Variants in ACTRT1 observed in about 807,000 individuals in gnomAD.
ACTRT1 encodes the protein actin-related protein T1.
A neutral mutation model predicts 1.4 loss-of-function variants in ACTRT1; 1 was observed. The ratio of observed to expected loss-of-function variants is 0.69; its 90% CI spans 0.25 to 3.28. The LOEUF (loss-of-function observed/expected upper bound fraction) is 3.28. ACTRT1 is among the 30% of genes most tolerant of loss of function. ACTRT1 has a pLI of 0.20. For synonymous variants in ACTRT1, 121 were observed against 115.2 expected, an observed-to-expected ratio of 1.05 and a Z score of -0.32; for missense variants, 334 against 291.5, an observed-to-expected ratio of 1.15 and a Z score of -1.06.
chrX:128,052,174 A>G lies in ACTRT1; in HGVS notation c.33T>C (p.Ala11=). The change falls in exon 1 of 1, where the codon GCT becomes GCC. Residue 11 remains alanine (A), a synonymous_variant. Coordinates refer to ENST00000371124, the MANE Select transcript of ACTRT1 (RefSeq NM_138289.4). MFNPHALDVP[A]VIFDNGSGLC... Reference sequence around the variant, plus strand: ...GTCCTGAACCATTGTCAAAAATTACAGCAGGAACATCTAATGCATGTGGAT... The same window carrying G: ...GTCCTGAACCATTGTCAAAAATTACGGCAGGAACATCTAATGCATGTGGAT... 8.3e-7 allele frequency: 1 copy of G among 1,206,640 alleles called. No homozygotes were observed. Among genetic ancestry groups the G allele is most frequent in the Non-Finnish European group, 1.1e-6 (1 of 892,963 alleles).
chrX:128,052,236 C>A lies in ACTRT1; in HGVS notation c.-30G>T. 1 of 1,143,468 alleles carries A rather than the reference C, an allele frequency of 8.7e-7. No homozygotes were observed. Among genetic ancestry groups the A allele is most frequent in the Non-Finnish European group, 1.2e-6 (1 of 861,411 alleles). The allele number at this position is 1,143,468 out of a possible 1,213,427, so 94.2% of individuals were successfully genotyped here. A position where few individuals can be genotyped will look rare whatever the true frequency, so the allele number is the denominator to read the frequency against. On this transcript the variant is annotated 5_prime_UTR_variant, in exon 1 of 1. Coordinates refer to ENST00000371124, the MANE Select transcript of ACTRT1 (RefSeq NM_138289.4). ...GTAATATGTTCTCCTGGACTTCCCC[C>A]AAATAAAGAAAGAACACTTACGTCA...
rs754366510 is a variant in ACTRT1, at chrX:128,052,162, GT to G, written c.44del (p.Asp15AlafsTer34). 4 of 1,207,080 alleles carry G rather than the reference GT, an allele frequency of 3.3e-6. No homozygotes were observed. Among genetic ancestry groups the G allele is most frequent in the Non-Finnish European group, 4.5e-6 (4 of 893,287 alleles). On this transcript the variant is annotated frameshift_variant, in exon 1 of 1. Transcript: ENST00000371124. LOFTEE classifies it low-confidence loss of function (END_TRUNC). ...HALDVPAVIF[D>X]NGSGLCKAGL... ...CTGCTTTGCAGAGTCCTGAACCATTGTCAAAAATTACAGCAGGAACATCTAA... is the reference window on the plus strand; with the variant it reads ...CTGCTTTGCAGAGTCCTGAACCATTGCAAAAATTACAGCAGGAACATCTAA...
In ACTRT1 at chrX:128,051,934, A is replaced by T; in HGVS notation, c.273T>A (p.His91Gln). Residue 91 changes from histidine (H) to glutamine (Q), a missense_variant, in exon 1 of 1, where the codon CAT (histidine) becomes CAA (glutamine). Coordinates refer to ENST00000371124, the MANE Select transcript of ACTRT1 (RefSeq NM_138289.4). ...GWDDMEKLWK[H>Q]LFERELGVKP... Reference sequence around the variant, plus strand: ...TTACTCCAAGCTCCCGCTCAAAGAGATGTTTCCAGAGTTTCTCCATGTCAT... The same window carrying T: ...TTACTCCAAGCTCCCGCTCAAAGAGTTGTTTCCAGAGTTTCTCCATGTCAT... The T allele has an allele frequency of 8.3e-7, 1 of 1,211,655 alleles. No homozygotes were observed. Among genetic ancestry groups the T allele is most frequent in the Non-Finnish European group, 1.1e-6 (1 of 895,539 alleles).
At position 128,052,033 on chromosome X, in the gene ACTRT1, C is replaced by T. The variant is rs749695026; in HGVS notation, c.174G>A (p.Gly58=). 9.9e-6 allele frequency: 12 copies of T among 1,209,686 alleles called. No individual in the cohort carries two copies. In the African/African-American group the frequency reaches 1.6e-4, roughly 16 times the overall value. The part of the protein sequence containing the change: ...LARLNQKYFV[G]QEALYKYEAL... ...CCTCATACTTGTACAGGGCTTCTTG[C>T]CCCACGAAGTACTTCTGATTAAGTC... The change falls in exon 1 of 1, where the codon GGG becomes GGA. Residue 58 remains glycine (G), a synonymous_variant. Coordinates refer to ENST00000371124, the MANE Select transcript of ACTRT1 (RefSeq NM_138289.4).
rs147373645 is a variant in ACTRT1, at chrX:128,052,100, C to G, written c.107G>C (p.Ser36Thr). Reference protein sequence around the residue: ...SGEIGPRHVISSVLGHCKFNV... With the variant: ...SGEIGPRHVITSVLGHCKFNV... ...GAATTTACAATGTCCCAAGACGGAG[C>G]TGATGACATGGCGGGGTCCAATCTC... Residue 36 changes from serine to threonine, a missense_variant, in exon 1 of 1, where the codon AGC becomes ACC. Ser to Thr is a moderately conservative substitution (Grantham distance 58). Coordinates refer to ENST00000371124, the MANE Select transcript of ACTRT1 (RefSeq NM_138289.4). The G allele has an allele frequency of 3.9e-4, 469 of 1,210,176 alleles. 1 individual carries two copies. The African/African-American group carries it at 7.0e-3, about 18-fold the overall frequency.
At position 128,050,978 on chromosome X, in the gene ACTRT1, T is replaced by G. The variant is rs1361172670; in HGVS notation, c.*98A>C. ...AACTGAAACTTGAAATGGCAAAACT[T>G]TTATTGAACATCATGCTGAAGCCCA... is the stretch of plus-strand genomic sequence containing the variant. On this transcript the variant is annotated 3_prime_UTR_variant, in exon 1 of 1. Transcript: ENST00000371124. 9.8e-7 allele frequency: 1 copy of G among 1,019,262 alleles called. No individual in the cohort carries two copies. Among genetic ancestry groups the G allele is most frequent in the Non-Finnish European group, 1.3e-6 (1 of 753,877 alleles). 84.0% of individuals were successfully genotyped at this position (1,019,262 alleles called of 1,213,427 possible). A position where few individuals can be genotyped will look rare whatever the true frequency, so the allele number is the denominator to read the frequency against.
rs144043142 is a variant in ACTRT1 at position 128,051,396 on chromosome X, G to A, written c.811C>T (p.His271Tyr). 9.4e-5 allele frequency: 114 copies of A among 1,207,899 alleles called. 1 individual carries two copies. The African/African-American group carries it at 1.8e-3, about 19-fold the overall frequency. The change falls in exon 1 of 1, where the codon CAC becomes TAC. Residue 271 changes from histidine (H) to tyrosine (Y), a missense_variant. Coordinates refer to ENST00000371124, the MANE Select transcript of ACTRT1 (RefSeq NM_138289.4). ...VLFAPDQLGI[H>Y]SPGLSKMVSS... is the part of the protein sequence containing the mutation. ...ACCATTTTTGAGAGTCCTGGGCTGT[G>A]GATGCCCAGCTGGTCAGGTGCAAAA...
In ACTRT1 at chrX:128,051,222, T is replaced by A. The variant is rs766490344; in HGVS notation, c.985A>T (p.Lys329Ter). Residue 329 changes from lysine to a stop codon, truncating the protein, a stop_gained, in exon 1 of 1, where the codon AAG becomes TAG. Coordinates refer to ENST00000371124, the MANE Select transcript of ACTRT1 (RefSeq NM_138289.4). LOFTEE classifies it low-confidence loss of function (END_TRUNC). ...CATCTATCAGGAGAAGCTGTGATCT[T>A]GATGGGAGTACCTTTGGAAGCCAGC... is the stretch of plus-strand genomic sequence containing the variant. Reference protein sequence around the residue: ...EQLASKGTPIKITASPDRCFS... With the variant: ...EQLASKGTPI 1 of 1,210,785 alleles carries A rather than the reference T, an allele frequency of 8.3e-7. No homozygotes were observed. The highest frequency in any genetic ancestry group is 1.8e-5 in the South Asian group (1 of 56,877).
rs756837724 is a variant in ACTRT1 at position 128,051,995 on chromosome X, T to C, written c.212A>G (p.His71Arg). The change falls in exon 1 of 1, where the codon CAC (histidine) becomes CGC (arginine). Residue 71 changes from histidine to arginine, a missense_variant. Transcript: ENST00000371124. The stretch of plus-strand genomic sequence containing the variant: ...TACCAGTCCACGCTCAATGGGGTAG[T>C]GCAAATGTAGGGCCTCATACTTGTA... ...ALYKYEALHL[H>R]YPIERGLVTG... 8.9e-5 allele frequency: 108 copies of C among 1,209,908 alleles called. No individual in the cohort carries two copies. In the South Asian group the frequency reaches 1.8e-3, roughly 20 times the overall value.
chrX:128,051,428 T>G lies in ACTRT1; in HGVS notation c.779A>C (p.Glu260Ala). ...HFGDELYQVP[E>A]VLFAPDQLGI... ...CAGCTGGTCAGGTGCAAAAAGAACC[T>G]CGGGCACTTGGTACAGCTCATCCCC... Residue 260 changes from glutamate to alanine, a missense_variant, in exon 1 of 1, where the codon GAG becomes GCG. Glu to Ala is a moderately radical substitution (Grantham distance 107). Transcript: ENST00000371124. 1 of 1,210,626 alleles carries G rather than the reference T, an allele frequency of 8.3e-7. No individual in the cohort carries two copies. Among genetic ancestry groups the G allele is most frequent in the East Asian group, 3.0e-5 (1 of 33,677 alleles).
In ACTRT1 at chrX:128,050,994, C is replaced by T; in HGVS notation, c.*82G>A. On this transcript the variant is annotated 3_prime_UTR_variant, in exon 1 of 1. Coordinates refer to ENST00000371124, the MANE Select transcript of ACTRT1 (RefSeq NM_138289.4). The stretch of plus-strand genomic sequence containing the variant: ...GGCAAAACTTTTATTGAACATCATG[C>T]TGAAGCCCAGAAGAAAATGCCATCT... The T allele has an allele frequency of 1.9e-6, 2 of 1,077,585 alleles. No individual in the cohort carries two copies. Among genetic ancestry groups the T allele is most frequent in the Non-Finnish European group, 2.5e-6 (2 of 802,163 alleles). The allele number at this position is 1,077,585 out of a possible 1,213,427, so 88.8% of individuals were successfully genotyped here. A position where few individuals can be genotyped will look rare whatever the true frequency, so the allele number is the denominator to read the frequency against.
In ACTRT1 at chrX:128,051,537, A is replaced by G. The variant is rs1322096014; in HGVS notation, c.670T>C (p.Leu224=). 1.7e-6 allele frequency: 2 copies of G among 1,211,069 alleles called. No individual in the cohort carries two copies. Among genetic ancestry groups the G allele is most frequent in the South Asian group, 1.8e-5 (1 of 56,890 alleles). ...NIKEKLCYIA[L]EPEKELRKSR... ...TTGCGTAGCTCTTTCTCTGGCTCCA[A>G]GGCGATGTAGCACAACTTCTCTTTG... is the stretch of plus-strand genomic sequence containing the variant. The change falls in exon 1 of 1, where the codon TTG becomes CTG. Residue 224 remains leucine, a synonymous_variant. Coordinates refer to ENST00000371124, the MANE Select transcript of ACTRT1 (RefSeq NM_138289.4).
chrX:128,051,877 C>T lies in ACTRT1; in HGVS notation c.330G>A (p.Glu110=), dbSNP rs778867437. The T allele has an allele frequency of 1.7e-6, 2 of 1,211,615 alleles. No homozygotes were observed. Among genetic ancestry groups the T allele is most frequent in the East Asian group, 3.0e-5 (1 of 33,738 alleles). Reference sequence around the variant, plus strand: ...GAATTTCCCTAGGATTCAAAGAGGGCTCGGTCATAAGTACAGGCTGTTGGC... The same window carrying T: ...GAATTTCCCTAGGATTCAAAGAGGGTTCGGTCATAAGTACAGGCTGTTGGC... ...KPSQQPVLMT[E]PSLNPREIRE... The change falls in exon 1 of 1, where the codon GAG becomes GAA. Residue 110 remains glutamate, a synonymous_variant. Coordinates refer to ENST00000371124, the MANE Select transcript of ACTRT1 (RefSeq NM_138289.4).
In ACTRT1 at chrX:128,051,800, T is replaced by A. The variant is rs776218169; in HGVS notation, c.407A>T (p.Tyr136Phe). The A allele has an allele frequency of 2.5e-6, 3 of 1,209,549 alleles. No homozygotes were observed. The highest frequency in any genetic ancestry group is 3.5e-5 in the African/African-American group (2 of 57,043). Residue 136 changes from tyrosine to phenylalanine, a missense_variant, in exon 1 of 1, where the codon TAC (tyrosine) becomes TTC (phenylalanine). Coordinates refer to ENST00000371124, the MANE Select transcript of ACTRT1 (RefSeq NM_138289.4). Reference protein sequence around the residue: ...MFETFSVPGFYLSNHAVAALY... With the variant: ...MFETFSVPGFFLSNHAVAALY... ...CGCTGCCACCGCATGATTAGACAGG[T>A]AGAAACCAGGCACACTGAAGGTCTC...
Position 128,052,267 on chromosome X carries a change from T to A in ACTRT1, c.-61A>T. 2.7e-6 allele frequency: 3 copies of A among 1,104,156 alleles called. No homozygotes were observed. Among genetic ancestry groups the A allele is most frequent in the Non-Finnish European group, 3.6e-6 (3 of 831,119 alleles). The allele number at this position is 1,104,156 out of a possible 1,213,427, so 91.0% of individuals were successfully genotyped here. A position where few individuals can be genotyped will look rare whatever the true frequency, so the allele number is the denominator to read the frequency against. On this transcript the variant is annotated 5_prime_UTR_variant, in exon 1 of 1. Transcript: ENST00000371124. ...AAGAAAGAACACTTACGTCACTCTC[T>A]GAGATGACAGGCACCTTTAGAATTT...
Position 128,051,297 on chromosome X carries a change from T to A in ACTRT1, c.910A>T (p.Thr304Ser), listed in dbSNP as rs941702102. 3 of 1,210,540 alleles carry A rather than the reference T, an allele frequency of 2.5e-6. No homozygotes were observed. The highest frequency in any genetic ancestry group is 3.4e-6 in the Non-Finnish European group (3 of 895,276). The change falls in exon 1 of 1, where the codon ACC becomes TCC. Residue 304 changes from threonine to serine, a missense_variant. By Grantham distance (58) the Thr-to-Ser change is moderately conservative. Coordinates refer to ENST00000371124, the MANE Select transcript of ACTRT1 (RefSeq NM_138289.4). ...LYADIVLSGG[T>S]TLLPGLEERL... ...TCCTCCAGCCCAGGGAGGAGAGTGG[T>A]GCCCCCGGAGAGTACAATGTCTGCA...
rs1305195346 is a variant in ACTRT1, at chrX:128,051,553, C to A, written c.654G>T (p.Lys218Asn). The change falls in exon 1 of 1, where the codon AAG becomes AAT. Residue 218 changes from lysine (K) to asparagine (N), a missense_variant. Coordinates refer to ENST00000371124, the MANE Select transcript of ACTRT1 (RefSeq NM_138289.4). ...CTGGCTCCAAGGCGATGTAGCACAA[C>A]TTCTCTTTGATGTTATTTACCACGG... is the stretch of plus-strand genomic sequence containing the variant. Reference protein sequence around the residue: ...NKAVVNNIKEKLCYIALEPEK... With the variant: ...NKAVVNNIKENLCYIALEPEK... The A allele has an allele frequency of 8.3e-7, 1 of 1,211,463 alleles. No homozygotes were observed. The highest frequency in any genetic ancestry group is 2.2e-5 in the Admixed American group (1 of 45,976).
rs755986288 is a variant in ACTRT1, at chrX:128,051,695, C to A, written c.512G>T (p.Gly171Val). The change falls in exon 1 of 1, where the codon GGT (glycine) becomes GTT (valine). Residue 171 changes from glycine to valine, a missense_variant. Gly to Val is a moderately radical substitution (Grantham distance 109). Transcript: ENST00000371124. ...GVTCTVPIFE[G>V]YSLPHAVTKL... ...GGTGACTGCGTGAGGCAGGGAGTAACCCTCAAAGATGGGGACAGTGCAAGT... is the reference window on the plus strand; with the variant it reads ...GGTGACTGCGTGAGGCAGGGAGTAAACCTCAAAGATGGGGACAGTGCAAGT... The A allele has an allele frequency of 3.3e-6, 4 of 1,211,258 alleles. No homozygotes were observed. Among genetic ancestry groups the A allele is most frequent in the African/African-American group, 1.7e-5 (1 of 57,648 alleles).
At position 128,051,418 on chromosome X, in the gene ACTRT1, A is replaced by G. The variant is rs1259333776; in HGVS notation, c.789T>C (p.Phe263=). The change falls in exon 1 of 1, where the codon TTT becomes TTC. Residue 263 remains phenylalanine, a synonymous_variant. Coordinates refer to ENST00000371124, the MANE Select transcript of ACTRT1 (RefSeq NM_138289.4). ...TGTGGATGCCCAGCTGGTCAGGTGC[A>G]AAAAGAACCTCGGGCACTTGGTACA... is the stretch of plus-strand genomic sequence containing the variant. ...DELYQVPEVL[F]APDQLGIHSP... 4 of 1,208,128 alleles carry G rather than the reference A, an allele frequency of 3.3e-6. No individual in the cohort carries two copies. In the African/African-American group the frequency reaches 5.3e-5, roughly 16 times the overall value.
Sources: gnomAD v4.1 joint callset for allele counts on GRCh38, gnomAD v4.1.1 for gene constraint, MANE v1.5 for transcripts, NCBI Gene and HGNC (gene_info 2026-07-23, HGNC 2026-07-21) for gene names.